SMAD5: variants seen among roughly 807,000 people sequenced by gnomAD.
SMAD5 encodes the protein MAD, mothers against decapentaplegic homolog 5.
In SMAD5, 9 loss-of-function variants were observed where a neutral mutation model predicts 43.1. The ratio of observed to expected loss-of-function variants is 0.21; its 90% confidence interval spans 0.13 to 0.36. The LOEUF (loss-of-function observed/expected upper bound fraction) is 0.36. Ranked by LOEUF, SMAD5 falls within the 10% of genes least tolerant of loss-of-function variation. SMAD5 has a pLI of 1.00. For synonymous variants in SMAD5, 190 were observed against 192.4 expected (o/e 0.99, Z 0.10); for missense variants, 348 against 574.0 (o/e 0.61, Z 4.02).
intron 7 of SMAD5, 52 bp from the exon 8 acceptor site, chr5:136,177,285 G>A (rs1164665823): frequency 6.4e-7 from 1 of 1,568,464 alleles, no homozygotes; most frequent in Non-Finnish European, 8.8e-7. Context: ...TTGGTTTAGA[G>A]TGGTTGACAG....
chr5:136,149,313 C>T (rs1753371024), intron 2 of SMAD5, among the ~76,000 whole-genome samples: 1 of 151,728 alleles, frequency 6.6e-6, no homozygotes, highest in Non-Finnish European at 1.5e-5. Flanking sequence ...GTGGACACAG[C>T]ACTCATTTCT....
intron 4 of SMAD5, among the ~76,000 whole-genome samples, chr5:136,161,338 A>G (rs922805707): frequency 6.6e-5 from 10 of 152,188 alleles, no homozygotes; most frequent in African/African-American, 1.7e-4. Flanking sequence ...ATTTTCTTCT[A>G]TTTTATGACA....
At chr5:136,168,503 C>T (rs1160217260) in intron 5 of SMAD5, among the ~76,000 whole-genome samples, 3 of 152,182 alleles carry the variant, frequency 2.0e-5, no homozygotes, top group African/African-American at 7.2e-5. Context: ...ATACTCTCTT[C>T]TCCCACACAG....
intron 2 of SMAD5, among the ~76,000 whole-genome samples, chr5:136,150,364 C>G (rs943675889): frequency 6.6e-6 from 1 of 151,776 alleles, no homozygotes; most frequent in Non-Finnish European, 1.5e-5. Context: ...TTGAAATTAT[C>G]TCTTAATTTC....
At chr5:136,148,107 C>A (rs1753323933) in intron 2 of SMAD5, among the ~76,000 whole-genome samples, 1 of 151,644 alleles carries the variant, frequency 6.6e-6, no homozygotes, top group Non-Finnish European at 1.5e-5. Flanking sequence ...AAAACATTAG[C>A]TTATAGTAAC....
chr5:136,133,427 G>C (rs1313309720), intron 1 of SMAD5: 1 of 152,456 alleles, frequency 6.6e-6, no homozygotes, highest in Non-Finnish European at 1.5e-5. Context: ...TGATGAATCC[G>C]TGCCGCCGTC....
At chr5:136,169,770 A>G (rs1400832764) in intron 5 of SMAD5, among the ~76,000 whole-genome samples, 1 of 152,200 alleles carries the variant, frequency 6.6e-6, no homozygotes, top group East Asian at 1.9e-4. Flanking sequence ...CCTCATCCTT[A>G]CCAACATTTG....
rs1478047334 is a variant in SMAD5 at position 136,180,729 on chromosome 5, G to T, written c.*3249G>T. The stretch of plus-strand genomic sequence containing the variant: ...TTGTTGCTATATAAAAAAAATAATA[G>T]AATTGGTTGGGTTTCTGAGGTGAAA... On this transcript the variant is annotated 3_prime_UTR_variant, in exon 8 of 8. Transcript: ENST00000545279. 1 of 152,058 alleles carries T rather than the reference G, an allele frequency of 6.6e-6. No homozygotes were observed. Among genetic ancestry groups the T allele is most frequent in the African/African-American group, 2.4e-5 (1 of 41,420 alleles). The allele number at this position is 152,058 out of a possible 1,614,324, so 9.4% of individuals were successfully genotyped here.
chr5:136,151,982 T>C (rs1753485032), intron 2 of SMAD5, among the ~76,000 whole-genome samples: 1 of 152,136 alleles, frequency 6.6e-6, no homozygotes, highest in South Asian at 2.1e-4. Flanking sequence ...TGTGACCTGT[T>C]AGTGACAATT....
At chr5:136,162,147 TCACAGAGTG>T (rs761262155) in intron 4 of SMAD5, among the ~76,000 whole-genome samples, 15 of 151,982 alleles carry the variant, frequency 9.9e-5, no homozygotes, top group Non-Finnish European at 2.2e-4. Flanking sequence ...CGTGATTAAA[TCACAGAGTG>T]CACTCACACA....
At chr5:136,169,665 G>A (rs1188142666) in intron 5 of SMAD5, among the ~76,000 whole-genome samples, 1 of 152,172 alleles carries the variant, frequency 6.6e-6, no homozygotes, top group Non-Finnish European at 1.5e-5. Flanking sequence ...TTTTATGGTA[G>A]GAGTATGTTT....
In SMAD5 at chr5:136,179,464, T is replaced by G. The variant is rs903185305; in HGVS notation, c.*1984T>G. ...TTCCACTTTGTCCTTTCTGCTCTTG[T>G]GAAGAAAAAAAAAAGCATTTTCGAG... On this transcript the variant is annotated 3_prime_UTR_variant, in exon 8 of 8. Coordinates refer to ENST00000545279, the MANE Select transcript of SMAD5 (RefSeq NM_005903.7). The G allele has an allele frequency of 2.0e-5, 3 of 150,200 alleles. No individual in the cohort carries two copies. The highest frequency in any genetic ancestry group is 7.4e-5 in the African/African-American group (3 of 40,746). 9.3% of individuals were successfully genotyped at this position (150,200 alleles called of 1,614,324 possible).
intron 3 of SMAD5, 106 bp from the exon 4 acceptor site, chr5:136,160,750 T>G (rs1753794270): frequency 1.8e-6 from 2 of 1,085,842 alleles, no homozygotes. Context: ...TAAATTGTTT[T>G]AATAGGTTTA....
chr5:136,142,325 T>C lies in SMAD5; in HGVS notation c.-244-5507T>C, dbSNP rs1041727418. On this transcript the variant is annotated intron_variant, in intron 1 of 7. Transcript: ENST00000545279. ...AGGGATGCTTGAGCTGAAAGAGAGGTGAGGTGTGTGTGTGTTTTGTAATGT... is the reference window on the plus strand; with the variant it reads ...AGGGATGCTTGAGCTGAAAGAGAGGCGAGGTGTGTGTGTGTTTTGTAATGT... Among the ~76,000 whole-genome samples the C allele has an allele frequency of 3.0e-4, 45 of 151,912 alleles. 1 individual carries two copies. Among genetic ancestry groups the C allele is most frequent in the Non-Finnish European group, 7.4e-5 (5 of 67,934 alleles).
intron 1 of SMAD5, among the ~76,000 whole-genome samples, chr5:136,144,991 A>G (rs1363450975): frequency 6.6e-6 from 1 of 151,858 alleles, no homozygotes; most frequent in Admixed American, 6.6e-5. Context: ...AAAAAAAAAG[A>G]GTTAAAAGAA....
In SMAD5 at chr5:136,132,891, A is replaced by G. The variant is rs2149754201; in HGVS notation, c.-316A>G. ...GCGCCGTGCGCGTGTCCCGCGGCCG[A>G]GCTGCTAATAAAGTTGCAGCGAGGA... On this transcript the variant is annotated 5_prime_UTR_variant, in exon 1 of 8. Transcript: ENST00000545279. The G allele has an allele frequency of 6.6e-6, 1 of 152,352 alleles. No homozygotes were observed. Among genetic ancestry groups the G allele is most frequent in the Non-Finnish European group, 1.5e-5 (1 of 68,046 alleles). 9.4% of individuals were successfully genotyped at this position (152,352 alleles called of 1,614,324 possible). A position where few individuals can be genotyped will look rare whatever the true frequency, so the allele number is the denominator to read the frequency against.
intron 1 of SMAD5, among the ~76,000 whole-genome samples, chr5:136,135,411 G>A (rs75773080): frequency 6.6e-6 from 1 of 152,166 alleles, no homozygotes; most frequent in African/African-American, 2.4e-5. Context: ...CAAACATTAT[G>A]ATTTGCAGTG....
At chr5:136,170,281 C>A (rs995871703) in intron 5 of SMAD5, among the ~76,000 whole-genome samples, 3 of 152,022 alleles carry the variant, frequency 2.0e-5, no homozygotes, top group African/African-American at 7.2e-5. Context: ...AAGGTCTAGT[C>A]TAGATTTACT....
At position 136,154,176 on chromosome 5, in the gene SMAD5, C is replaced by G; in HGVS notation, c.403+13C>G. 6.9e-7 allele frequency: 1 copy of G among 1,456,982 alleles called. No individual in the cohort carries two copies. Among genetic ancestry groups the G allele is most frequent in the Non-Finnish European group, 9.1e-7 (1 of 1,104,874 alleles). 90.3% of individuals were successfully genotyped at this position (1,456,982 alleles called of 1,614,324 possible). Reference sequence around the variant, plus strand: ...GTGGAGAGTCCAGGTAGGTCTTATTCCTGAGAAGAATTTGGAAAAACAAAA... The same window carrying G: ...GTGGAGAGTCCAGGTAGGTCTTATTGCTGAGAAGAATTTGGAAAAACAAAA... On this transcript the variant is annotated intron_variant, in intron 3 of 7. Coordinates refer to ENST00000545279, the MANE Select transcript of SMAD5 (RefSeq NM_005903.7).
Sources: gnomAD v4.1 joint callset for allele counts (sites outside exome capture counted in the v4.1 genomes callset) on GRCh38, gnomAD v4.1.1 for gene constraint, MANE v1.5 for transcripts, NCBI Gene and HGNC (gene_info 2026-07-23, HGNC 2026-07-21) for gene names.